SPON1: variants seen among roughly 807,000 people sequenced by gnomAD.
SPON1 encodes spondin 1.
In SPON1, 52 loss-of-function variants were observed where a neutral mutation model predicts 111.7. The observed-to-expected ratio is 0.47, with a 90% CI of 0.37 to 0.59. The LOEUF is 0.59. Ranked by LOEUF, SPON1 falls within the 20% of genes least tolerant of loss-of-function variation. The pLI, the probability that SPON1 is intolerant of heterozygous loss-of-function variation, is 0.00. For synonymous variants in SPON1, 410 were observed against 395.8 expected, an observed-to-expected ratio of 1.04 and a Z score of -0.43; for missense variants, 957 against 1,068.5, an observed-to-expected ratio of 0.90 and a Z score of 1.46.
intron 3 of SPON1, among the ~76,000 whole-genome samples, chr11:14,055,264 G>T (rs143372976): frequency 4.5e-4 from 68 of 152,198 alleles, no homozygotes; most frequent in African/African-American, 1.5e-3. Context: ...TCAACATCTC[G>T]ATATGTGCTA....
In SPON1 at chr11:14,250,450, G is replaced by C. The variant is rs569808992; in HGVS notation, c.891-4078G>C. On this transcript the variant is annotated intron_variant, in intron 7 of 15. Transcript: ENST00000576479. ...TTAACTTAGCCCAACCCCACTTGTC[G>C]CACAATCTTTCCTTTCCCCCTAATT... Among the ~76,000 whole-genome samples, 6 of 149,758 alleles carry C rather than the reference G, an allele frequency of 4.0e-5. No homozygotes were observed. The South Asian group carries it at 1.3e-3, about 31-fold the overall frequency.
chr11:14,124,776 G>A (rs1188387492), intron 5 of SPON1, among the ~76,000 whole-genome samples: 1 of 152,156 alleles, frequency 6.6e-6, no homozygotes, highest in Non-Finnish European at 1.5e-5. Flanking sequence ...CTGATCCTTG[G>A]ACTAGCACAT....
intron 3 of SPON1, among the ~76,000 whole-genome samples, chr11:14,064,650 G>A (rs1214868838): frequency 6.6e-6 from 1 of 152,198 alleles, no homozygotes; most frequent in East Asian, 1.9e-4. Context: ...CTGTGCTGGG[G>A]TGTGGTAGAG....
intron 7 of SPON1, among the ~76,000 whole-genome samples, chr11:14,249,551 T>A (rs1254683348): frequency 6.6e-6 from 1 of 152,148 alleles, no homozygotes; most frequent in Non-Finnish European, 1.5e-5. Context: ...CAAATTGAGT[T>A]TTTGCAACTC....
chr11:13,987,463 G>C (rs1459075381), intron 2 of SPON1, among the ~76,000 whole-genome samples: 3 of 152,168 alleles, frequency 2.0e-5, no homozygotes, highest in African/African-American at 7.2e-5. Flanking sequence ...CCCTTTGTCA[G>C]ATGGATAGAG....
intron 5 of SPON1, among the ~76,000 whole-genome samples, chr11:14,094,235 A>G (rs1203193797): frequency 6.6e-6 from 1 of 151,178 alleles, no homozygotes; most frequent in East Asian, 1.9e-4. Flanking sequence ...AAGCCACACA[A>G]CGCTTGGTAC....
intron 6 of SPON1, among the ~76,000 whole-genome samples, chr11:14,220,036 G>A (rs555789197): frequency 1.1e-4 from 16 of 149,518 alleles, no homozygotes; most frequent in African/African-American, 3.0e-4. Context: ...GCGGTGAGCC[G>A]AGATTGTACC....
chr11:14,115,008 G>T lies in SPON1; in HGVS notation c.677-20412G>T, dbSNP rs782800044. Among the ~76,000 whole-genome samples the T allele has an allele frequency of 2.0e-5, 3 of 152,164 alleles. 1 individual carries two copies. In the South Asian group the frequency reaches 6.2e-4, roughly 32 times the overall value. ...TGCAACTCCTGGCTAATGGCTCCAG[G>T]CAGGCACTTCTGTCCCAGAGCACCT... On this transcript the variant is annotated intron_variant, in intron 5 of 15. Coordinates refer to ENST00000576479, the MANE Select transcript of SPON1 (RefSeq NM_006108.4).
chr11:14,115,992 CTTTTTTGAA>C (rs1251241569), intron 5 of SPON1, among the ~76,000 whole-genome samples: 31 of 152,184 alleles, frequency 2.0e-4, no homozygotes, highest in African/African-American at 7.5e-4. Context: ...TTGATTTGTA[CTTTTTTGAA>C]TTTTGCCTAG....
chr11:14,256,721 C>T, intron 10 of SPON1, 29 bp downstream of exon 10: 2 of 1,578,464 alleles, frequency 1.3e-6, no homozygotes, highest in Admixed American at 1.7e-5. Context: ...TTGCAGGTGG[C>T]AACATAAATT....
chr11:14,226,153 C>T (rs1848736660), intron 6 of SPON1, among the ~76,000 whole-genome samples: 1 of 152,170 alleles, frequency 6.6e-6, no homozygotes, highest in South Asian at 2.1e-4. Context: ...CTCATAGAAG[C>T]TTACTGACTG....
intron 5 of SPON1, among the ~76,000 whole-genome samples, chr11:14,105,786 T>C (rs561506917): frequency 1.3e-5 from 2 of 152,332 alleles, no homozygotes; most frequent in Admixed American, 1.3e-4. Context: ...TCACAGGCTC[T>C]CACTCAGACT....
chr11:14,013,650 A>G (rs1312485138), intron 2 of SPON1, among the ~76,000 whole-genome samples: 1 of 152,112 alleles, frequency 6.6e-6, no homozygotes, highest in South Asian at 2.1e-4. Context: ...CTCAGGTCAT[A>G]TTGCTAATAT....
intron 2 of SPON1, among the ~76,000 whole-genome samples, chr11:14,022,049 A>G (rs1335056370): frequency 1.3e-5 from 2 of 152,222 alleles, no homozygotes; most frequent in African/African-American, 4.8e-5. Context: ...GAGCCCAGTG[A>G]GGGACTCAGC....
At chr11:14,038,382 T>C (rs1325044207) in intron 2 of SPON1, among the ~76,000 whole-genome samples, 1 of 151,066 alleles carries the variant, frequency 6.6e-6, no homozygotes, top group African/African-American at 2.4e-5. Flanking sequence ...GGCAGGAAAA[T>C]TGCCTGAACG....
intron 3 of SPON1, among the ~76,000 whole-genome samples, chr11:14,072,249 T>C (rs1265176619): frequency 3.9e-5 from 6 of 152,032 alleles, no homozygotes; most frequent in African/African-American, 1.5e-4. Context: ...ATGACAACAA[T>C]TATTAAAAAG....
intron 6 of SPON1, among the ~76,000 whole-genome samples, chr11:14,206,136 T>G (rs990721066): frequency 6.6e-5 from 10 of 152,190 alleles, no homozygotes; most frequent in African/African-American, 2.4e-4. Flanking sequence ...TTTTCTTCAC[T>G]TAACACTGTA....
intron 3 of SPON1, among the ~76,000 whole-genome samples, chr11:14,054,395 G>C (rs562156961): frequency 5.8e-4 from 89 of 152,234 alleles, no homozygotes; most frequent in African/African-American, 2.1e-3. Context: ...TTCTTAAGGA[G>C]AAAGAGGGGG....
chr11:13,963,213 C>T (rs1218309467), intron 1 of SPON1, 71 bp downstream of exon 1: 13 of 1,208,688 alleles, frequency 1.1e-5, no homozygotes, highest in African/African-American at 9.7e-5. Flanking sequence ...CTCGCGGTGC[C>T]GGAGGAGGGC....
Sources: gnomAD v4.1 joint callset for allele counts (sites outside exome capture counted in the v4.1 genomes callset) on GRCh38, gnomAD v4.1.1 for gene constraint, MANE v1.5 for transcripts, NCBI Gene and HGNC (gene_info 2026-07-23, HGNC 2026-07-21) for gene names.